Variants in TLN1 observed in about 807,000 individuals in gnomAD.
TLN1 encodes talin 1.
TLN1 carries 56 observed loss-of-function variants against 292.3 expected under a neutral mutation model. The ratio of observed to expected loss-of-function variants is 0.19; its 90% CI spans 0.15 to 0.24. The LOEUF (loss-of-function observed/expected upper bound fraction) is 0.24. TLN1 is among the 10% of genes least tolerant of loss of function. The pLI, the probability that TLN1 is intolerant of heterozygous loss-of-function variation, is 1.00. For synonymous variants in TLN1, 1,119 were observed against 1,253.7 expected (o/e 0.89, Z 2.27); for missense variants, 2,433 against 3,248.2 (o/e 0.75, Z 6.10).
intron 48 of TLN1, 63 bp from the exon 49 acceptor site, chr9:35,700,439 T>G: frequency 6.7e-7 from 1 of 1,485,944 alleles, no homozygotes; most frequent in Non-Finnish European, 9.1e-7. Flanking sequence ...AGCGTAGAAC[T>G]CTGTGTGCAT....
At chr9:35,708,089 A>G in intron 34 of TLN1, 197 bp from the exon 35 acceptor site, 1 of 721,522 alleles carries the variant, frequency 1.4e-6, no homozygotes, top group Non-Finnish European at 2.2e-6. Flanking sequence ...GGAAAGACAT[A>G]CTAATGGAGA....
In TLN1 at chr9:35,710,140, G is replaced by C. The variant is rs960625008; in HGVS notation, c.4326+421C>G. On this transcript the variant is annotated intron_variant, in intron 33 of 56. Transcript: ENST00000314888. The stretch of plus-strand genomic sequence containing the variant: ...TGGAAGGCTGAGGCAGGAGACTAGC[G>C]TGAACCCGGGAGGCGGAGCTTGCAG... 2.1e-5 allele frequency among the ~76,000 whole-genome samples: 3 copies of C among 146,086 alleles called. No individual in the cohort carries two copies. The South Asian group carries it at 6.4e-4, about 31-fold the overall frequency.
Position 35,704,663 on chromosome 9 carries a change from C to T in TLN1, c.5880+6G>A, listed in dbSNP as rs1055373891. 1.9e-5 allele frequency: 31 copies of T among 1,613,638 alleles called. No homozygotes were observed. Among genetic ancestry groups the T allele is most frequent in the Admixed American group, 5.0e-5 (3 of 59,976 alleles). On this transcript the variant is annotated splice_donor_region_variant and intron_variant, in intron 44 of 56. Transcript: ENST00000314888. The surrounding 1 kb of genome is among the most constrained non-coding windows in gnomAD (Gnocchi z 6.9). The stretch of plus-strand genomic sequence containing the variant: ...TCCCACCATCTGCAGGGATGAGCAC[C>T]GTCACCTTCTCAGAGACTCTCCGGG...
Position 35,714,025 on chromosome 9 carries a change from A to C in TLN1, c.3177T>G (p.Asn1059Lys). The change falls in exon 25 of 57, where the codon AAT becomes AAG. Residue 1059 changes from asparagine (N) to lysine (K), a missense_variant. Around this residue, in one of 7 missense-constraint regions of TLN1, gnomAD observed 1,384 missense variants for 1,699.6 expected, o/e 0.81. Transcript: ENST00000314888. The surrounding 1 kb of genome is among the most constrained non-coding windows in gnomAD (Gnocchi z 4.6). ...TCACTTCCTGTAGATCTTTCTCTAG[A>C]TTCTGTACCACACTCAGTGCAGAAT... ...EMDSALSVVQNLEKDLQEVKA... is the reference protein window; with the variant it reads ...EMDSALSVVQKLEKDLQEVKA... 1.9e-6 allele frequency: 3 copies of C among 1,614,178 alleles called. No homozygotes were observed. Among genetic ancestry groups the C allele is most frequent in the Non-Finnish European group, 2.5e-6 (3 of 1,180,034 alleles).
intron 1 of TLN1, among the ~76,000 whole-genome samples, chr9:35,726,223 A>T (rs982362308): frequency 2.6e-5 from 4 of 152,158 alleles, no homozygotes; most frequent in Admixed American, 6.5e-5. Context: ...CTAACAATTT[A>T]AGACATCTGA....
intron 3 of TLN1, 42 bp downstream of exon 3, chr9:35,725,182 G>A (rs1238857730): frequency 6.2e-7 from 1 of 1,603,356 alleles, no homozygotes; most frequent in Admixed American, 1.7e-5. Context: ...GGGAGAAGCT[G>A]ATGGAAGGGG....
chr9:35,701,712 G>A (rs1432316962), intron 48 of TLN1, among the ~76,000 whole-genome samples: 1 of 152,212 alleles, frequency 6.6e-6, no homozygotes, highest in Non-Finnish European at 1.5e-5. Flanking sequence ...GGACAGTGTG[G>A]TAGTGGTAGG....
rs149034259 is a variant in TLN1, at chr9:35,700,075, C to T, written c.6667G>A (p.Ala2223Thr). ...TCAGGGGCCACTTCTGGGTGGTAAG[C>T]TGCTTCCTGTCCCCAGAGTAATATG... ...ADMLRACKEA[A>T]YHPEVAPDVR... The change falls in exon 50 of 57, where the codon GCT becomes ACT. Residue 2223 changes from alanine (A) to threonine (T), a missense_variant. Around this residue, in one of 7 missense-constraint regions of TLN1, gnomAD observed 1,384 missense variants for 1,699.6 expected, o/e 0.81. Transcript: ENST00000314888. 6.2e-7 allele frequency: 1 copy of T among 1,611,458 alleles called. No homozygotes were observed. The highest frequency in any genetic ancestry group is 1.3e-5 in the African/African-American group (1 of 75,008).
chr9:35,706,098 G>C lies in TLN1; in HGVS notation c.5375C>G (p.Thr1792Ser). Residue 1792 changes from threonine (T) to serine (S), a missense_variant, in exon 41 of 57, where the codon ACC becomes AGC. This residue lies in a region of TLN1 where 1,384 missense variants were observed against 1,699.6 expected (regional missense o/e 0.81). Coordinates refer to ENST00000314888, the MANE Select transcript of TLN1 (RefSeq NM_006289.4). The surrounding 1 kb of genome is among the most constrained non-coding windows in gnomAD (Gnocchi z 4.2). ...AGGNPKQAAH[T>S]QEALEEAVQM... ...CACAGCCTCCTCCAGGGCTTCCTGGGTGTGAGCTGCTTGCTGTGGGGAGAG... is the reference window on the plus strand; with the variant it reads ...CACAGCCTCCTCCAGGGCTTCCTGGCTGTGAGCTGCTTGCTGTGGGGAGAG... The C allele has an allele frequency of 6.2e-7, 1 of 1,614,180 alleles. No individual in the cohort carries two copies.
At position 35,707,434 on chromosome 9, in the gene TLN1, C is replaced by T. The variant is rs1825585671; in HGVS notation, c.4687G>A (p.Ala1563Thr). 1.9e-6 allele frequency: 3 copies of T among 1,614,050 alleles called. No homozygotes were observed. The highest frequency in any genetic ancestry group is 2.2e-5 in the East Asian group (1 of 44,902). Residue 1563 changes from alanine to threonine, a missense_variant, in exon 36 of 57, where the codon GCC becomes ACC. Coordinates refer to ENST00000314888, the MANE Select transcript of TLN1 (RefSeq NM_006289.4). This position sits in a 1 kb window ranked among gnomAD's most constrained non-coding sequence, Gnocchi z 5.6. ...ENRAQCRAAT[A>T]PLLEAVDNLS... ...TTGTCCACAGCCTCCAGCAGAGGGGCTGTTGCTGCTCGGCACTGGGCACGG... is the reference window on the plus strand; with the variant it reads ...TTGTCCACAGCCTCCAGCAGAGGGGTTGTTGCTGCTCGGCACTGGGCACGG...
chr9:35,721,979 A>G, intron 9 of TLN1, 140 bp downstream of exon 9: 1 of 1,140,374 alleles, frequency 8.8e-7, no homozygotes, highest in Non-Finnish European at 1.3e-6. Flanking sequence ...GCAGGTTTTC[A>G]TGAGGTCAGA....
In TLN1 at chr9:35,717,798, C is replaced by T; in HGVS notation, c.1996-12G>A. Reference sequence around the variant, plus strand: ...TGCATTAGCGCATCCTGTGAGAAAACAGCAGTTAGCATGACCTGAGATTGG... The same window carrying T: ...TGCATTAGCGCATCCTGTGAGAAAATAGCAGTTAGCATGACCTGAGATTGG... On this transcript the variant is annotated splice_polypyrimidine_tract_variant and intron_variant, in intron 17 of 56. Transcript: ENST00000314888. The surrounding 1 kb of genome is among the most constrained non-coding windows in gnomAD (Gnocchi z 4.7). 1 of 1,588,514 alleles carries T rather than the reference C, an allele frequency of 6.3e-7. No homozygotes were observed. Among genetic ancestry groups the T allele is most frequent in the East Asian group, 2.3e-5 (1 of 44,230 alleles).
At position 35,703,768 on chromosome 9, in the gene TLN1, C is replaced by T. The variant is rs769085696; in HGVS notation, c.6357+7G>A. The T allele has an allele frequency of 3.1e-6, 5 of 1,614,216 alleles. No homozygotes were observed. Among genetic ancestry groups the T allele is most frequent in the Non-Finnish European group, 4.2e-6 (5 of 1,180,042 alleles). On this transcript the variant is annotated splice_region_variant and intron_variant, in intron 47 of 56. Transcript: ENST00000314888. Reference sequence around the variant, plus strand: ...CCCCTCCTGATGTTGCTCTCATTCTCTCCAACCTTGGCAGAGTTCTTTAGC... The same window carrying T: ...CCCCTCCTGATGTTGCTCTCATTCTTTCCAACCTTGGCAGAGTTCTTTAGC...
At position 35,713,987 on chromosome 9, in the gene TLN1, C is replaced by T. The variant is rs757752315; in HGVS notation, c.3215G>A (p.Arg1072Gln). The T allele has an allele frequency of 8.7e-6, 14 of 1,614,174 alleles. No homozygotes were observed. The highest frequency in any genetic ancestry group is 6.7e-5 in the Admixed American group (4 of 60,028). Residue 1072 changes from arginine (R) to glutamine (Q), a missense_variant, in exon 25 of 57, where the codon CGA becomes CAA. Physicochemically the swap from Arg to Gln is conservative, Grantham distance 43. This residue lies in a region of TLN1 where 1,384 missense variants were observed against 1,699.6 expected (regional missense o/e 0.81). Coordinates refer to ENST00000314888, the MANE Select transcript of TLN1 (RefSeq NM_006289.4). ...KDLQEVKAAARDGKLKPLPGE... is the reference protein window; with the variant it reads ...KDLQEVKAAAQDGKLKPLPGE... ...AGGTAAGGGTTTAAGCTTGCCATCT[C>T]GAGCTGCTGCCTTCACTTCCTGTAG... is the stretch of plus-strand genomic sequence containing the variant.
At chr9:35,720,561 T>C (rs1263504171) in intron 11 of TLN1, 52 bp from the exon 12 acceptor site, 1 of 1,564,852 alleles carries the variant, frequency 6.4e-7, no homozygotes, top group African/African-American at 1.4e-5. Flanking sequence ...AAGAGGGAAG[T>C]GGAGAAAAGG....
chr9:35,698,626 G>C lies in TLN1; in HGVS notation c.7179C>G (p.Leu2393=). Reference sequence around the variant, plus strand: ...GGTATTGCACACTTACAGCAGAAATGAGGCCCTGGGACCACTGCCCATCGT... The same window carrying C: ...GGTATTGCACACTTACAGCAGAAATCAGGCCCTGGGACCACTGCCCATCGT... The part of the protein sequence containing the change: ...ALDDGQWSQG[L]ISAARMVAAA... The change falls in exon 54 of 57, where the codon CTC becomes CTG. Residue 2393 remains leucine (L), a synonymous_variant. Transcript: ENST00000314888. The surrounding 1 kb of genome is among the most constrained non-coding windows in gnomAD (Gnocchi z 5.3). 1.2e-6 allele frequency: 2 copies of C among 1,614,164 alleles called. No homozygotes were observed. Among genetic ancestry groups the C allele is most frequent in the South Asian group, 2.2e-5 (2 of 91,086 alleles).
At position 35,717,105 on chromosome 9, in the gene TLN1, C is replaced by G; in HGVS notation, c.2458+41G>C. On this transcript the variant is annotated intron_variant, in intron 19 of 56. Transcript: ENST00000314888. The surrounding 1 kb of genome is among the most constrained non-coding windows in gnomAD (Gnocchi z 4.7). ...ATGATGTCCAGTGGGCTTAGGGAAC[C>G]CTGGTAGGGTTTTTTGTTTTCCTGG... The G allele has an allele frequency of 6.4e-7, 1 of 1,555,536 alleles. No individual in the cohort carries two copies. The highest frequency in any genetic ancestry group is 8.7e-7 in the Non-Finnish European group (1 of 1,147,002).
chr9:35,714,547 C>A lies in TLN1; in HGVS notation c.2985+27G>T, dbSNP rs370749100. The A allele has an allele frequency of 6.2e-7, 1 of 1,603,220 alleles. No individual in the cohort carries two copies. The highest frequency in any genetic ancestry group is 8.5e-7 in the Non-Finnish European group (1 of 1,179,040). Reference sequence around the variant, plus strand: ...GCTTAGAAAGGTGGGAAGGTCAGGTCAGAGAAGTGCAGAGGGGGTGCCTTG... The same window carrying A: ...GCTTAGAAAGGTGGGAAGGTCAGGTAAGAGAAGTGCAGAGGGGGTGCCTTG... On this transcript the variant is annotated intron_variant, in intron 23 of 56. Coordinates refer to ENST00000314888, the MANE Select transcript of TLN1 (RefSeq NM_006289.4). This position sits in a 1 kb window ranked among gnomAD's most constrained non-coding sequence, Gnocchi z 4.6.
chr9:35,700,459 T>G (rs1825446278), intron 48 of TLN1, 83 bp from the exon 49 acceptor site: 1 of 1,412,298 alleles, frequency 7.1e-7, no homozygotes. Context: ...TGTGATTTGG[T>G]GCAGACATTC....
Sources: allele counts gnomAD v4.1 joint callset (sites outside exome capture counted in the v4.1 genomes callset), GRCh38; gene constraint gnomAD v4.1.1; regional missense constraint gnomAD v4.1.1; non-coding constraint Gnocchi (gnomAD v3.1); transcripts MANE v1.5; gene names NCBI Gene and HGNC (gene_info 2026-07-23, HGNC 2026-07-21).